PGD: variants seen among roughly 807,000 people sequenced by gnomAD.
PGD encodes the protein phosphogluconate dehydrogenase.
PGD carries 21 observed loss-of-function variants against 60.4 expected under a neutral mutation model. The observed-to-expected ratio is 0.35, with a 90% CI of 0.25 to 0.50. PGD has a LOEUF of 0.50. Ranked by LOEUF, PGD falls within the 20% of genes least tolerant of loss-of-function variation. The probability of loss-of-function intolerance (pLI) is 0.98; values close to 1 mark genes in which losing one functional copy is unlikely to be tolerated. For synonymous variants in PGD, 230 were observed against 235.9 expected, an observed-to-expected ratio of 0.97 and a Z score of 0.23; for missense variants, 477 against 613.1, an observed-to-expected ratio of 0.78 and a Z score of 2.34.
chr1:10,419,011 G>C lies in PGD; in HGVS notation c.1209+86G>C, dbSNP rs199724721. On this transcript the variant is annotated intron_variant, in intron 11 of 12. Transcript: ENST00000270776. ...GTTTGGTTTTTTGTTTTTTTTTTTT[G>C]GTTTTTTGTTTTTTTGAGACAGAGT... The C allele has an allele frequency of 5.4e-5, 42 of 773,660 alleles. No homozygotes were observed. In the East Asian group the frequency reaches 1.1e-3, roughly 20 times the overall value. 47.9% of individuals were successfully genotyped at this position (773,660 alleles called of 1,614,324 possible).
chr1:10,408,382 A>G (rs932621493), intron 6 of PGD, among the ~76,000 whole-genome samples: 1 of 152,182 alleles, frequency 6.6e-6, no homozygotes, highest in African/African-American at 2.4e-5. Context: ...AATTCATCTA[A>G]AAGATGAATT....
At chr1:10,412,764 T>C (rs1477566073) in intron 7 of PGD, 3 of 286,742 alleles carry the variant, frequency 1.0e-5, no homozygotes, top group South Asian at 8.6e-5. Flanking sequence ...GATCCGGTGA[T>C]TGCAGAAGGC....
rs70997229 is a variant in PGD, at chr1:10,420,389, C to CTTTTTTTT, written c.*657_*664dup. Among the ~76,000 whole-genome samples, 1 of 75,056 alleles carries CTTTTTTTT rather than the reference C, an allele frequency of 1.3e-5. No homozygotes were observed. Among genetic ancestry groups the CTTTTTTTT allele is most frequent in the African/African-American group, 5.3e-5 (1 of 18,840 alleles). 49.2% of individuals were successfully genotyped at this position (75,056 alleles called of 152,430 possible). A position where few individuals can be genotyped will look rare whatever the true frequency, so the allele number is the denominator to read the frequency against. On this transcript the variant is annotated 3_prime_UTR_variant, in exon 13 of 13. Transcript: ENST00000270776. ...CACTGTAACGTGCTTTTTCTTTCGT[C>CTTTTTTTT]TTTTTTTTTTTTTTTTTTTTTTTTG...
intron 3 of PGD, among the ~76,000 whole-genome samples, chr1:10,402,403 C>T (rs1639329988): frequency 1.3e-5 from 2 of 151,792 alleles, no homozygotes; most frequent in South Asian, 4.2e-4. Flanking sequence ...GCAGCTCTGG[C>T]CACAGAGAGG....
chr1:10,400,872 G>A (rs542476750), intron 3 of PGD, among the ~76,000 whole-genome samples: 4 of 152,008 alleles, frequency 2.6e-5, no homozygotes, highest in African/African-American at 7.2e-5. Flanking sequence ...CAGATGGATC[G>A]TTTGAGCCCA....
intron 4 of PGD, among the ~76,000 whole-genome samples, chr1:10,403,903 T>C (rs545423765): frequency 6.6e-6 from 1 of 152,318 alleles, no homozygotes; most frequent in Non-Finnish European, 1.5e-5. Context: ...CTTAATTATT[T>C]TACTTTGGGG....
At chr1:10,416,084 T>C (rs554189327) in intron 8 of PGD, among the ~76,000 whole-genome samples, 1 of 152,070 alleles carries the variant, frequency 6.6e-6, no homozygotes, top group African/African-American at 2.4e-5. Context: ...TACATAACAG[T>C]GGTTTTTATT....
rs910348812 is a variant in PGD, at chr1:10,420,046, G to T, written c.*297G>T. 18 of 376,092 alleles carry T rather than the reference G, an allele frequency of 4.8e-5. No homozygotes were observed. Among genetic ancestry groups the T allele is most frequent in the Non-Finnish European group, 8.5e-5 (17 of 200,804 alleles). The allele number at this position is 376,092 out of a possible 1,614,324, so 23.3% of individuals were successfully genotyped here. On this transcript the variant is annotated 3_prime_UTR_variant, in exon 13 of 13. Transcript: ENST00000270776. ...GTGCTGGTGCGGTTCCCATCACGCA[G>T]ACAGGAAGGGTGTTTGCGCACTCTG...
Position 10,408,089 on chromosome 1 carries a change from C to T in PGD, c.468C>T (p.Ile156=), listed in dbSNP as rs1639438166. ...NKEAWPHIKT[I]FQGIAAKVGT... ...TACACAGGCCCCACATCAAGACCAT[C>T]TTCCAAGGCATTGCTGCAAAAGTGG... The change falls in exon 6 of 13, where the codon ATC becomes ATT. Residue 156 remains isoleucine (I), a synonymous_variant. Coordinates refer to ENST00000270776, the MANE Select transcript of PGD (RefSeq NM_002631.4). 2 of 1,605,640 alleles carry T rather than the reference C, an allele frequency of 1.2e-6. No homozygotes were observed. Among genetic ancestry groups the T allele is most frequent in the Admixed American group, 3.3e-5 (2 of 59,998 alleles).
chr1:10,401,918 G>C lies in PGD; in HGVS notation c.265-1153G>C, dbSNP rs1388766206. On this transcript the variant is annotated intron_variant, in intron 3 of 12. Coordinates refer to ENST00000270776, the MANE Select transcript of PGD (RefSeq NM_002631.4). ...TAGTCCCAGCTACTTGGGAGGCTGA[G>C]GCAGGAGAGTGGCGTGAACCCGGGA... Among the ~76,000 whole-genome samples the C allele has an allele frequency of 2.0e-5, 3 of 152,124 alleles. No individual in the cohort carries two copies. The East Asian group carries it at 5.8e-4, about 29-fold the overall frequency.
At chr1:10,410,461 G>A (rs1171504817) in intron 6 of PGD, among the ~76,000 whole-genome samples, 4 of 151,824 alleles carry the variant, frequency 2.6e-5, no homozygotes, top group Admixed American at 1.3e-4. Context: ...AAAGAAACAC[G>A]GACAATGGAG....
chr1:10,408,106 C>T lies in PGD; in HGVS notation c.485C>T (p.Ala162Val). 1 of 1,607,650 alleles carries T rather than the reference C, an allele frequency of 6.2e-7. No individual in the cohort carries two copies. The highest frequency in any genetic ancestry group is 1.7e-4 in the Middle Eastern group (1 of 6,056). The change falls in exon 6 of 13, where the codon GCA becomes GTA. Residue 162 changes from alanine (A) to valine (V), a missense_variant. By Grantham distance (64) the Ala-to-Val change is moderately conservative. Transcript: ENST00000270776. Reference protein sequence around the residue: ...HIKTIFQGIAAKVGTGEPCCD... With the variant: ...HIKTIFQGIAVKVGTGEPCCD... ...AAGACCATCTTCCAAGGCATTGCTG[C>T]AAAAGTGGGAACTGGAGAACCCTGC... is the stretch of plus-strand genomic sequence containing the variant.
chr1:10,410,300 A>T (rs573071017), intron 6 of PGD, among the ~76,000 whole-genome samples: 14 of 152,110 alleles, frequency 9.2e-5, no homozygotes, highest in African/African-American at 3.4e-4. Context: ...AAATTAGCTG[A>T]GTGTGGCGGT....
At chr1:10,399,467 C>G in intron 1 of PGD, 162 bp from the exon 2 acceptor site, 1 of 544,944 alleles carries the variant, frequency 1.8e-6, no homozygotes, top group Non-Finnish European at 3.0e-6. Context: ...CCTGCCCGGC[C>G]GAGGCTCTGC....
intron 8 of PGD, among the ~76,000 whole-genome samples, chr1:10,416,274 A>C (rs1047961850): frequency 6.6e-6 from 1 of 152,148 alleles, no homozygotes; most frequent in Non-Finnish European, 1.5e-5. Flanking sequence ...AGTGGTTTCT[A>C]TCTCTTCATT....
intron 2 of PGD, 96 bp downstream of exon 2, chr1:10,399,800 CT>C (rs1639284107): frequency 9.5e-7 from 1 of 1,050,452 alleles, no homozygotes; most frequent in Non-Finnish European, 1.5e-6. Context: ...CCTGGCCGTG[CT>C]TTGCTAATGT....
chr1:10,415,261 C>T (rs1425228279), intron 8 of PGD: 1 of 152,074 alleles, frequency 6.6e-6, no homozygotes, highest in Admixed American at 6.6e-5. Flanking sequence ...GGAGGAAAGT[C>T]GGTGGTTTCT....
At chr1:10,405,648 T>G (rs1252303997) in intron 5 of PGD, among the ~76,000 whole-genome samples, 2 of 150,690 alleles carry the variant, frequency 1.3e-5, no homozygotes, top group Admixed American at 1.3e-4. Context: ...AAGACCAGCC[T>G]GGCCAACATG....
chr1:10,399,409 G>A (rs557372447), intron 1 of PGD: 384 of 465,614 alleles, frequency 8.2e-4, no homozygotes, highest in African/African-American at 7.3e-3. Flanking sequence ...GGACACCTGC[G>A]GGACGCGTGC....
Sources: allele counts gnomAD v4.1 joint callset (sites outside exome capture counted in the v4.1 genomes callset), GRCh38; gene constraint gnomAD v4.1.1; transcripts MANE v1.5; gene names NCBI Gene and HGNC (gene_info 2026-07-23, HGNC 2026-07-21).